LINGO2: variants seen among roughly 807,000 people sequenced by gnomAD.
LINGO2 encodes leucine-rich repeat and immunoglobulin-like domain-containing nogo receptor-interacting protein 2.
Under a neutral mutation model 30.6 loss-of-function variants are expected in LINGO2, and 14 were observed. The ratio of observed to expected loss-of-function variants is 0.46; its 90% CI spans 0.30 to 0.72. The LOEUF (loss-of-function observed/expected upper bound fraction) is 0.72, where lower values mean the gene tolerates loss of function less well. Ranked by LOEUF, LINGO2 falls within the 30% of genes least tolerant of loss-of-function variation. The pLI is 0.07. For missense variants in LINGO2, 729 were observed against 751.7 expected (o/e 0.97, Z 0.35); for synonymous variants, 317 against 288.5 (o/e 1.10, Z -1.00).
At chr9:28,642,944 A>G (rs900192033) in intron 1 of LINGO2, among the ~76,000 whole-genome samples, 1 of 152,140 alleles carries the variant, frequency 6.6e-6, no homozygotes, top group Non-Finnish European at 1.5e-5. Context: ...ATAAATTAAC[A>G]AAAGATCACT....
intron 4 of LINGO2, among the ~76,000 whole-genome samples, chr9:28,193,705 G>A (rs1192118658): frequency 2.0e-5 from 3 of 152,318 alleles, no homozygotes; most frequent in South Asian, 2.1e-4. Context: ...AGTGGCGTTA[G>A]TATCTCTCAA....
At chr9:28,017,449 C>A in intron 4 of LINGO2, among the ~76,000 whole-genome samples, 1 of 152,180 alleles carries the variant, frequency 6.6e-6, no homozygotes, top group South Asian at 2.1e-4. Context: ...CCCATAGTGT[C>A]TGCCCAAAAG....
chr9:29,173,874 A>G, the LINGO2 span, among the ~76,000 whole-genome samples: 15 of 152,240 alleles, frequency 9.9e-5, no homozygotes, highest in African/African-American at 3.6e-4. Flanking sequence ...AAATAAGAGT[A>G]AATTTGTACC....
At chr9:28,454,268 T>C (rs903896306) in intron 2 of LINGO2, among the ~76,000 whole-genome samples, 9 of 152,062 alleles carry the variant, frequency 5.9e-5, no homozygotes, top group Non-Finnish European at 1.3e-4. Flanking sequence ...ATATTTGTCT[T>C]CCTTTTATGA....
At chr9:28,887,256 T>C in the LINGO2 span, among the ~76,000 whole-genome samples, 1 of 152,046 alleles carries the variant, frequency 6.6e-6, no homozygotes, top group Admixed American at 6.6e-5. Flanking sequence ...GATCTACATG[T>C]GGGAAAAAAA....
chr9:28,323,230 G>A (rs1207666581), intron 3 of LINGO2, among the ~76,000 whole-genome samples: 1 of 152,136 alleles, frequency 6.6e-6, no homozygotes, highest in African/African-American at 2.4e-5. Context: ...TGGGCCTAAT[G>A]GATTACCTAT....
At chr9:28,291,175 C>G (rs1473380943) in intron 4 of LINGO2, among the ~76,000 whole-genome samples, 2 of 152,106 alleles carry the variant, frequency 1.3e-5, no homozygotes, top group Non-Finnish European at 2.9e-5. Context: ...AATCTATTTG[C>G]ACTTGAATCT....
chr9:28,597,757 T>C (rs986475383), intron 1 of LINGO2, among the ~76,000 whole-genome samples: 1 of 152,112 alleles, frequency 6.6e-6, no homozygotes, highest in African/African-American at 2.4e-5. Flanking sequence ...TGCATGTATG[T>C]ATGTATATAT....
intron 2 of LINGO2, among the ~76,000 whole-genome samples, chr9:28,377,141 C>T (rs1334009297): frequency 1.3e-5 from 2 of 152,108 alleles, no homozygotes; most frequent in South Asian, 2.1e-4. Flanking sequence ...TGCAGATGCA[C>T]TTATACATGG....
At chr9:28,688,338 C>T in the LINGO2 span, among the ~76,000 whole-genome samples, 5 of 152,180 alleles carry the variant, frequency 3.3e-5, no homozygotes, top group African/African-American at 1.2e-4. Flanking sequence ...GAGCCAAGAA[C>T]AAGCTCAGAA....
At chr9:28,630,136 C>A (rs1464434684) in intron 1 of LINGO2, among the ~76,000 whole-genome samples, 1 of 151,870 alleles carries the variant, frequency 6.6e-6, no homozygotes, top group Non-Finnish European at 1.5e-5. Context: ...GGGTGCAGTG[C>A]ACCAGCATGG....
the LINGO2 span, among the ~76,000 whole-genome samples, chr9:28,801,182 T>C: frequency 6.6e-6 from 1 of 152,062 alleles, no homozygotes; most frequent in Non-Finnish European, 1.5e-5. Context: ...GTCATAGTAA[T>C]TAGAGCTCTT....
In LINGO2 at chr9:28,572,183, T is replaced by C. The variant is rs558649750; in HGVS notation, c.-364-96158A>G. 4.6e-5 allele frequency among the ~76,000 whole-genome samples: 7 copies of C among 152,192 alleles called. No homozygotes were observed. In the East Asian group the frequency reaches 9.6e-4, roughly 21 times the overall value. On this transcript the variant is annotated intron_variant, in intron 1 of 5. Coordinates refer to ENST00000379992, the Ensembl canonical transcript of LINGO2. ...TGATGCTGTGTTCTCTCTTCCCCTC[T>C]TCATAACTCTTAAATTCCACAAGGC...
chr9:28,007,146 T>C (rs1822307491), intron 5 of LINGO2, among the ~76,000 whole-genome samples: 2 of 152,190 alleles, frequency 1.3e-5, no homozygotes, highest in South Asian at 4.1e-4. Flanking sequence ...CTTGTACAGA[T>C]AGAAACAAAC....
At chr9:28,165,447 A>C (rs1333612972) in intron 4 of LINGO2, among the ~76,000 whole-genome samples, 1 of 152,166 alleles carries the variant, frequency 6.6e-6, no homozygotes, top group Non-Finnish European at 1.5e-5. Flanking sequence ...TTTACATAAA[A>C]GATGCCTAGT....
chr9:28,653,572 C>A (rs1828203376), intron 1 of LINGO2, among the ~76,000 whole-genome samples: 1 of 152,150 alleles, frequency 6.6e-6, no homozygotes, highest in Admixed American at 6.6e-5. Flanking sequence ...TCAGTGTTTT[C>A]ATGACTTATT....
chr9:28,716,445 T>C, the LINGO2 span, among the ~76,000 whole-genome samples: 1 of 152,054 alleles, frequency 6.6e-6, no homozygotes, highest in Non-Finnish European at 1.5e-5. Context: ...ATAAGAGGTC[T>C]ACCCTGACAC....
intron 1 of LINGO2, among the ~76,000 whole-genome samples, chr9:28,591,136 C>T (rs1318882632): frequency 6.6e-6 from 1 of 151,604 alleles, no homozygotes; most frequent in Non-Finnish European, 1.5e-5. Context: ...GGAAGGGGAA[C>T]CTCACACACT....
chr9:28,025,778 A>T (rs78389810), intron 4 of LINGO2, among the ~76,000 whole-genome samples: 12 of 152,218 alleles, frequency 7.9e-5, no homozygotes, highest in African/African-American at 2.9e-4. Context: ...CAGAAGGCAG[A>T]GAGCCAGACA....
Sources: allele counts gnomAD v4.1 joint callset (sites outside exome capture counted in the v4.1 genomes callset), GRCh38; gene constraint gnomAD v4.1.1; transcripts MANE v1.5; gene names NCBI Gene and HGNC (gene_info 2026-07-23, HGNC 2026-07-21).